Variants in MYO16 observed in about 807,000 individuals in gnomAD.
MYO16 encodes unconventional myosin-XVI.
In MYO16, 94 loss-of-function variants were observed where a neutral mutation model predicts 205.3. That is an observed-to-expected ratio of 0.46 (90% CI 0.39 to 0.54). The LOEUF is 0.54. Ranked by LOEUF, MYO16 falls within the 20% of genes least tolerant of loss-of-function variation. The probability of loss-of-function intolerance (pLI) is 0.00; values close to 1 mark genes in which losing one functional copy is unlikely to be tolerated. For synonymous variants in MYO16, 988 were observed against 954.0 expected, an observed-to-expected ratio of 1.04 and a Z score of -0.66; for missense variants, 2,315 against 2,387.5, an observed-to-expected ratio of 0.97 and a Z score of 0.63.
chr13:109,016,186 G>A (rs1024497962), intron 22 of MYO16, among the ~76,000 whole-genome samples: 1 of 152,160 alleles, frequency 6.6e-6, no homozygotes. Context: ...TGGTTTCAAA[G>A]AACATCTTTA....
At chr13:108,831,559 C>A (rs1876623561) in intron 9 of MYO16, among the ~76,000 whole-genome samples, 1 of 152,148 alleles carries the variant, frequency 6.6e-6, no homozygotes, top group African/African-American at 2.4e-5. Context: ...GTTGCCCAGG[C>A]TGGAGTGCCA....
Position 109,064,749 on chromosome 13 carries a change from T to C in MYO16, c.3335+9154T>C, listed in dbSNP as rs139720760. Among the ~76,000 whole-genome samples, 29 of 152,268 alleles carry C rather than the reference T, an allele frequency of 1.9e-4. No homozygotes were observed. The East Asian group carries it at 5.2e-3, about 27-fold the overall frequency. ...GGCTACTGAAGTGTGGCCTGTGTCA[T>C]TCCCAAGTATCCCATTGGTTAAAAC... On this transcript the variant is annotated intron_variant, in intron 27 of 34. Transcript: ENST00000457511.
At chr13:108,860,927 C>G (rs1594351092) in intron 11 of MYO16, among the ~76,000 whole-genome samples, 1 of 152,262 alleles carries the variant, frequency 6.6e-6, no homozygotes, top group East Asian at 1.9e-4. Context: ...CTTTCTAGCT[C>G]AATTTTTCTT....
intron 15 of MYO16, among the ~76,000 whole-genome samples, chr13:108,903,320 A>T (rs998354297): frequency 6.6e-6 from 1 of 152,188 alleles, no homozygotes; most frequent in Non-Finnish European, 1.5e-5. Context: ...TTTATAAATT[A>T]AATTTTATCA....
chr13:109,020,691 A>G (rs78552674), intron 23 of MYO16, among the ~76,000 whole-genome samples: 2,579 of 152,236 alleles, frequency 0.017, 78 homozygotes, highest in African/African-American at 0.059. Flanking sequence ...GCTGTAGTTA[A>G]TGTCTTCCAC....
At chr13:108,566,051 G>A in the MYO16 span, among the ~76,000 whole-genome samples, 1 of 151,744 alleles carries the variant, frequency 6.6e-6, no homozygotes, top group Non-Finnish European at 1.5e-5. Context: ...TTCATAGAAT[G>A]AGTTTGAAAG....
At chr13:108,790,386 G>A (rs1886582249) in intron 5 of MYO16, among the ~76,000 whole-genome samples, 1 of 152,162 alleles carries the variant, frequency 6.6e-6, no homozygotes, top group South Asian at 2.1e-4. Flanking sequence ...GTAATAATGT[G>A]TGGATTTCAG....
intron 1 of MYO16, chr13:108,659,360 C>A: frequency 2.3e-6 from 1 of 427,424 alleles, no homozygotes; most frequent in Non-Finnish European, 4.7e-6. Flanking sequence ...ATTTAGATGT[C>A]TAGGTATAGA....
intron 21 of MYO16, among the ~76,000 whole-genome samples, chr13:109,003,730 AC>A (rs1381756222): frequency 6.6e-6 from 1 of 152,230 alleles, no homozygotes; most frequent in Non-Finnish European, 1.5e-5. Context: ...TACGAAAAAA[AC>A]AATTACAGTA....
chr13:108,806,967 A>G lies in MYO16; in HGVS notation c.867+163A>G, dbSNP rs555192776. ...CAAATATTTTTATGGTTAAAGGAAA[A>G]TGCTTATACAAGAGCACATGTTCCT... is the stretch of plus-strand genomic sequence containing the variant. On this transcript the variant is annotated intron_variant, in intron 7 of 34. Transcript: ENST00000457511. Among the ~76,000 whole-genome samples, 116 of 152,304 alleles carry G rather than the reference A, an allele frequency of 7.6e-4. 1 individual carries two copies. Among genetic ancestry groups the G allele is most frequent in the African/African-American group, 2.6e-3 (108 of 41,566 alleles).
At chr13:108,947,017 C>T (rs929382001) in intron 16 of MYO16, among the ~76,000 whole-genome samples, 1 of 152,190 alleles carries the variant, frequency 6.6e-6, no homozygotes, top group African/African-American at 2.4e-5. Context: ...CGATGTTGTT[C>T]ACACCATACT....
At chr13:108,881,041 T>C (rs1017987772) in intron 12 of MYO16, among the ~76,000 whole-genome samples, 18 of 152,292 alleles carry the variant, frequency 1.2e-4, no homozygotes, top group African/African-American at 4.1e-4. Flanking sequence ...CACCTCCCAG[T>C]AGCGGATGAC....
the MYO16 span, among the ~76,000 whole-genome samples, chr13:108,538,878 G>A: frequency 2.6e-5 from 4 of 152,094 alleles, no homozygotes; most frequent in Non-Finnish European, 5.9e-5. Flanking sequence ...CTGGCCACTG[G>A]TGTCTGTAAG....
intron 16 of MYO16, among the ~76,000 whole-genome samples, chr13:108,955,968 C>T (rs1056603165): frequency 6.6e-6 from 1 of 152,188 alleles, no homozygotes; most frequent in African/African-American, 2.4e-5. Context: ...CTAATTCCAG[C>T]GTCTCATTTT....
intron 4 of MYO16, among the ~76,000 whole-genome samples, chr13:108,751,463 G>T (rs566279767): frequency 1.4e-4 from 22 of 152,122 alleles, no homozygotes; most frequent in African/African-American, 5.1e-4. Flanking sequence ...AAAGAAATGC[G>T]GTAGAATACA....
At chr13:108,973,248 T>C (rs1351740020) in intron 20 of MYO16, among the ~76,000 whole-genome samples, 1 of 152,130 alleles carries the variant, frequency 6.6e-6, no homozygotes, top group East Asian at 1.9e-4. Flanking sequence ...AACTATTAAA[T>C]CTTCTCTTTG....
chr13:108,801,345 A>G (rs1378500507), intron 6 of MYO16, among the ~76,000 whole-genome samples: 1 of 152,226 alleles, frequency 6.6e-6, no homozygotes, highest in Non-Finnish European at 1.5e-5. Context: ...ATTCTTTCAT[A>G]CACTGCTGGA....
chr13:108,844,383 T>A lies in MYO16; in HGVS notation c.1138T>A (p.Leu380Met), dbSNP rs748141354. The A allele has an allele frequency of 2.5e-5, 40 of 1,613,324 alleles. No homozygotes were observed. Among genetic ancestry groups the A allele is most frequent in the Non-Finnish European group, 3.1e-5 (36 of 1,179,578 alleles). The change falls in exon 10 of 35, where the codon TTG becomes ATG. Residue 380 changes from leucine to methionine, a missense_variant. Around this residue, in one of 3 missense-constraint regions of MYO16, gnomAD observed 1,213 missense variants for 1,274.4 expected, o/e 0.95. Transcript: ENST00000457511. ...VLPIAKQDSL[L>M]EKDIMFKDAT... is the part of the protein sequence containing the mutation. The stretch of plus-strand genomic sequence containing the variant: ...ACCAATTGCCAAGCAAGACAGTTTG[T>A]TGGAAAAAGACATTATGTTCAAAGA...
chr13:109,118,841 A>G (rs1255078358), intron 28 of MYO16, among the ~76,000 whole-genome samples: 3 of 149,952 alleles, frequency 2.0e-5, no homozygotes, highest in Admixed American at 6.7e-5. Flanking sequence ...CAATACAATG[A>G]AAAAAAAAAG....
Sources: gnomAD v4.1 joint callset for allele counts (sites outside exome capture counted in the v4.1 genomes callset) on GRCh38, gnomAD v4.1.1 for gene constraint, gnomAD v4.1.1 regional missense constraint, MANE v1.5 for transcripts, NCBI Gene and HGNC (gene_info 2026-07-23, HGNC 2026-07-21) for gene names.